FMN1: variants seen among roughly 807,000 people sequenced by gnomAD.
The protein encoded by FMN1 is formin 1.
Under a neutral mutation model 132.4 loss-of-function variants are expected in FMN1, and 110 were observed. The ratio of observed to expected loss-of-function variants is 0.83; its 90% CI spans 0.71 to 0.97. FMN1 has a LOEUF of 0.97. FMN1 is among the 50% of genes least tolerant of loss of function. FMN1 has a pLI of 0.00. For missense variants in FMN1, 1,792 were observed against 1,705.3 expected, an observed-to-expected ratio of 1.05 and a Z score of -0.90; for synonymous variants, 722 against 651.7, an observed-to-expected ratio of 1.11 and a Z score of -1.64.
At chr15:32,858,596 T>C (rs2059189938) in intron 16 of FMN1, among the ~76,000 whole-genome samples, 1 of 152,234 alleles carries the variant, frequency 6.6e-6, no homozygotes, top group Non-Finnish European at 1.5e-5. Context: ...ATCTAGAATA[T>C]CTGCTATTAG....
intron 4 of FMN1, chr15:33,150,640 G>A: frequency 1.0e-6 from 1 of 985,420 alleles, no homozygotes; most frequent in Non-Finnish European, 1.2e-6. Context: ...TGGTTCCTGG[G>A]AATTACTACT....
At chr15:33,138,033 A>C (rs1185254811) in intron 4 of FMN1, among the ~76,000 whole-genome samples, 1 of 151,388 alleles carries the variant, frequency 6.6e-6, no homozygotes, top group East Asian at 2.0e-4. Context: ...GCTTCAATAC[A>C]ATATTTGTCA....
chr15:33,104,203 A>G (rs117244730), intron 4 of FMN1, among the ~76,000 whole-genome samples: 4 of 152,288 alleles, frequency 2.6e-5, no homozygotes, highest in East Asian at 3.9e-4. Flanking sequence ...GTAAGAAATG[A>G]TAAGATGCAC....
chr15:33,166,338 A>T (rs1301104911), intron 3 of FMN1, among the ~76,000 whole-genome samples: 3 of 140,924 alleles, frequency 2.1e-5, no homozygotes, highest in African/African-American at 2.9e-5. Flanking sequence ...TTTTTTTTTT[A>T]AAGAAAGACC....
intron 5 of FMN1, among the ~76,000 whole-genome samples, chr15:33,072,685 A>G (rs113168287): frequency 0.021 from 3,192 of 152,248 alleles, 110 homozygotes; most frequent in African/African-American, 0.074. Flanking sequence ...CACTTTGGGA[A>G]GCCAAGGCAG....
intron 19 of FMN1, among the ~76,000 whole-genome samples, chr15:32,785,454 A>G (rs576601358): frequency 6.6e-6 from 1 of 151,868 alleles, no homozygotes; most frequent in African/African-American, 2.4e-5. Context: ...GTTTGGGTTT[A>G]CACTCTAACC....
chr15:33,087,529 G>A (rs1225238702), intron 5 of FMN1, among the ~76,000 whole-genome samples: 2 of 152,152 alleles, frequency 1.3e-5, no homozygotes, highest in African/African-American at 4.8e-5. Flanking sequence ...CTGAGCAACA[G>A]AGCAAGACTC....
intron 4 of FMN1, among the ~76,000 whole-genome samples, chr15:33,103,110 C>G (rs2039356225): frequency 6.6e-6 from 1 of 152,066 alleles, no homozygotes; most frequent in Non-Finnish European, 1.5e-5. Flanking sequence ...CTGTTGAATA[C>G]AATAATTGTT....
At chr15:32,777,287 G>C (rs1054975411) in intron 19 of FMN1, among the ~76,000 whole-genome samples, 14 of 151,906 alleles carry the variant, frequency 9.2e-5, no homozygotes, top group Admixed American at 5.2e-4. Flanking sequence ...ATGAAGTTCT[G>C]AGGAAATGTG....
At chr15:33,081,811 C>A (rs1338660306) in intron 5 of FMN1, among the ~76,000 whole-genome samples, 1 of 152,098 alleles carries the variant, frequency 6.6e-6, no homozygotes, top group Non-Finnish European at 1.5e-5. Flanking sequence ...ATCGGTAAGA[C>A]ATGGAGGTTC....
intron 15 of FMN1, among the ~76,000 whole-genome samples, chr15:32,890,255 TATA>T (rs1240089762): frequency 4.6e-5 from 7 of 152,194 alleles, no homozygotes; most frequent in African/African-American, 1.7e-4. Flanking sequence ...ATCTTTTTCA[TATA>T]ATGACTTCTT....
At chr15:32,989,263 G>A (rs1443155491) in intron 7 of FMN1, among the ~76,000 whole-genome samples, 1 of 152,190 alleles carries the variant, frequency 6.6e-6, no homozygotes, top group Non-Finnish European at 1.5e-5. Context: ...ACTGGGGATG[G>A]AAGGTAGGTG....
chr15:33,030,352 A>C (rs2035878689), intron 6 of FMN1, among the ~76,000 whole-genome samples: 1 of 152,220 alleles, frequency 6.6e-6, no homozygotes, highest in Non-Finnish European at 1.5e-5. Context: ...CAAGAGATGA[A>C]TGTGACCGGA....
intron 19 of FMN1, among the ~76,000 whole-genome samples, chr15:32,781,415 T>G (rs2056660063): frequency 6.6e-6 from 1 of 152,216 alleles, no homozygotes; most frequent in African/African-American, 2.4e-5. Context: ...TTAGTTACAA[T>G]GAATTCAACA....
intron 6 of FMN1, chr15:33,064,274 T>C (rs1300283230): frequency 1.3e-5 from 2 of 152,248 alleles, no homozygotes; most frequent in East Asian, 1.9e-4. Flanking sequence ...AGAGGTTTCA[T>C]GGATATATAC....
chr15:32,860,665 A>AT (rs1316852285), intron 16 of FMN1: 1 of 152,098 alleles, frequency 6.6e-6, no homozygotes, highest in East Asian at 1.9e-4. Context: ...CTGTCTAAAA[A>AT]ATATATATAC....
intron 4 of FMN1, among the ~76,000 whole-genome samples, chr15:33,111,226 A>T (rs1206108677): frequency 6.6e-6 from 1 of 152,158 alleles, no homozygotes; most frequent in Non-Finnish European, 1.5e-5. Context: ...AAGTTAATTT[A>T]AAAAATAAAA....
At chr15:32,868,720 T>C (rs1425912942) in intron 16 of FMN1, among the ~76,000 whole-genome samples, 1 of 152,080 alleles carries the variant, frequency 6.6e-6, no homozygotes, top group Non-Finnish European at 1.5e-5. Context: ...TCACTCACAT[T>C]CACTCATTCA....
intron 3 of FMN1, among the ~76,000 whole-genome samples, chr15:33,158,271 T>C (rs1303461612): frequency 6.6e-6 from 1 of 152,156 alleles, no homozygotes; most frequent in Admixed American, 6.5e-5. Context: ...AAGTACTTTT[T>C]TCCCCTGGTC....
Sources: allele counts gnomAD v4.1 joint callset (sites outside exome capture counted in the v4.1 genomes callset), GRCh38; gene constraint gnomAD v4.1.1; transcripts MANE v1.5; gene names NCBI Gene and HGNC (gene_info 2026-07-23, HGNC 2026-07-21).